Variants in ZNF419 observed in about 807,000 individuals in gnomAD.
ZNF419 encodes zinc finger protein 419A.
A neutral mutation model predicts 14.9 loss-of-function variants in ZNF419; 8 were observed. That is an observed-to-expected ratio of 0.54 (90% CI 0.32 to 0.97). The LOEUF is 0.97. Ranked by LOEUF, ZNF419 falls within the 50% of genes least tolerant of loss-of-function variation. The probability of loss-of-function intolerance (pLI) is 0.04; values close to 1 mark genes in which losing one functional copy is unlikely to be tolerated. For missense variants in ZNF419, 595 were observed against 607.2 expected (o/e 0.98, Z 0.21); for synonymous variants, 211 against 205.3 (o/e 1.03, Z -0.24).
chr19:57,488,148 G>T, intron 1 of ZNF419, 165 bp downstream of exon 1: 1 of 1,069,458 alleles, frequency 9.4e-7, no homozygotes, highest in Non-Finnish European at 1.3e-6. Flanking sequence ...GGCTCGCAAA[G>T]ATGTGAGGCG....
chr19:57,492,138 A>C lies in ZNF419; in HGVS notation c.225A>C (p.Glu75Asp). ...GACTTGCATCTTCCAAGACCCATGA[A>C]ATAACCCAGCTGGAGTCATGGGAGG... ...SLGLASSKTH[E>D]ITQLESWEEP... Residue 75 changes from glutamate (E) to aspartate (D), a missense_variant, in exon 4 of 5, where the codon GAA (glutamate) becomes GAC (aspartate). Physicochemically the swap from Glu to Asp is conservative, Grantham distance 45. Transcript: ENST00000221735. The C allele has an allele frequency of 6.2e-7, 1 of 1,613,586 alleles. No individual in the cohort carries two copies. The highest frequency in any genetic ancestry group is 8.5e-7 in the Non-Finnish European group (1 of 1,179,888).
In ZNF419 at chr19:57,493,982, G is replaced by T. The variant is rs776042488; in HGVS notation, c.1425G>T (p.Arg475Ser). The T allele has an allele frequency of 6.2e-7, 1 of 1,613,980 alleles. No individual in the cohort carries two copies. The highest frequency in any genetic ancestry group is 8.5e-7 in the Non-Finnish European group (1 of 1,179,972). Residue 475 changes from arginine to serine, a missense_variant, in exon 5 of 5, where the codon AGG becomes AGT. By Grantham distance (110) the Arg-to-Ser change is moderately radical. Transcript: ENST00000221735. Reference protein sequence around the residue: ...RENSSLVKHQRVHTGAKPYEC... With the variant: ...RENSSLVKHQSVHTGAKPYEC... Reference sequence around the variant, plus strand: ...ATTCCAGCCTTGTTAAACATCAGAGGGTTCACACTGGAGCAAAGCCTTATG... The same window carrying T: ...ATTCCAGCCTTGTTAAACATCAGAGTGTTCACACTGGAGCAAAGCCTTATG...
chr19:57,490,110 A>G, intron 1 of ZNF419, 37 bp from the exon 2 acceptor site: 1 of 1,607,026 alleles, frequency 6.2e-7, no homozygotes, highest in Non-Finnish European at 8.5e-7. Flanking sequence ...CTTTGGCAAC[A>G]TCACTGTCTG....
rs4801490 is a variant in ZNF419 at position 57,494,871 on chromosome 19, A to C, written c.*781A>C. 0.67 allele frequency: 106,042 copies of C among 157,300 alleles called. 35,824 individuals carry two copies. The highest frequency in any genetic ancestry group is 0.8 in the South Asian group (3,940 of 4,896). 9.7% of individuals were successfully genotyped at this position (157,300 alleles called of 1,614,324 possible). ...TATATTAGATTTTCCATTTCTTCACATTACTGACAGTTTATATGTGTAGAA... is the reference window on the plus strand; with the variant it reads ...TATATTAGATTTTCCATTTCTTCACCTTACTGACAGTTTATATGTGTAGAA... On this transcript the variant is annotated 3_prime_UTR_variant, in exon 5 of 5. Transcript: ENST00000221735.
At chr19:57,492,665 G>T (rs778294363) in intron 4 of ZNF419, 191 bp from the exon 5 acceptor site, 4 of 826,428 alleles carry the variant, frequency 4.8e-6, no homozygotes, top group Non-Finnish European at 6.3e-6. Flanking sequence ...TGCTCATGAG[G>T]CCTCCCCAAA....
In ZNF419 at chr19:57,496,060, G is replaced by A. The variant is rs923587027; in HGVS notation, c.*1970G>A. ...GTACAACATGATTTGAGGAAATACTGCATTGGAAAATAAATAAATGTTCAC... is the reference window on the plus strand; with the variant it reads ...GTACAACATGATTTGAGGAAATACTACATTGGAAAATAAATAAATGTTCAC... On this transcript the variant is annotated 3_prime_UTR_variant, in exon 5 of 5. Coordinates refer to ENST00000221735, the MANE Select transcript of ZNF419 (RefSeq NM_024691.4). 10 of 152,262 alleles carry A rather than the reference G, an allele frequency of 6.6e-5. No individual in the cohort carries two copies. The highest frequency in any genetic ancestry group is 6.2e-4 in the South Asian group (3 of 4,832). The allele number at this position is 152,262 out of a possible 1,614,324, so 9.4% of individuals were successfully genotyped here. A position where few individuals can be genotyped will look rare whatever the true frequency, so the allele number is the denominator to read the frequency against.
At position 57,487,890 on chromosome 19, in the gene ZNF419, A is replaced by G. The variant is rs552816224; in HGVS notation, c.-61A>G. 4 of 1,609,934 alleles carry G rather than the reference A, an allele frequency of 2.5e-6. No homozygotes were observed. The African/African-American group carries it at 5.3e-5, about 21-fold the overall frequency. ...GGTCTGAGGCTCGGTGGCGGCGCCC[A>G]GGGTGGCCCGGGCCCTTTCCTCGGT... On this transcript the variant is annotated 5_prime_UTR_variant, in exon 1 of 5. Transcript: ENST00000221735.
At position 57,494,173 on chromosome 19, in the gene ZNF419, T is replaced by A; in HGVS notation, c.*83T>A. 3.3e-6 allele frequency: 5 copies of A among 1,519,400 alleles called. No individual in the cohort carries two copies. The highest frequency in any genetic ancestry group is 4.4e-6 in the Non-Finnish European group (5 of 1,137,070). The allele number at this position is 1,519,400 out of a possible 1,614,324, so 94.1% of individuals were successfully genotyped here. ...TGGAAAAAATCTTGAAGGTAACAGA[T>A]GGAAATCCGTTAGCCACACCTCCAG... is the stretch of plus-strand genomic sequence containing the variant. On this transcript the variant is annotated 3_prime_UTR_variant, in exon 5 of 5. Coordinates refer to ENST00000221735, the MANE Select transcript of ZNF419 (RefSeq NM_024691.4).
rs1847197973 is a variant in ZNF419, at chr19:57,489,884, C to G, written c.34-263C>G. The stretch of plus-strand genomic sequence containing the variant: ...GTACAGTAAGAGTTGATACTTAGTC[C>G]TAGACACATAAGAATGAGTTTGATA... On this transcript the variant is annotated intron_variant, in intron 1 of 4. Transcript: ENST00000221735. The G allele has an allele frequency of 6.3e-6, 3 of 479,208 alleles. No individual in the cohort carries two copies. The South Asian group carries it at 7.2e-5, about 12-fold the overall frequency. 29.7% of individuals were successfully genotyped at this position (479,208 alleles called of 1,614,324 possible). A position where few individuals can be genotyped will look rare whatever the true frequency, so the allele number is the denominator to read the frequency against.
chr19:57,491,207 G>C (rs6510083), intron 2 of ZNF419: 201,023 of 527,134 alleles, frequency 0.38, 40,638 homozygotes, highest in East Asian at 0.61. Context: ...CACAGTCTAG[G>C]GGATCCAAGG....
chr19:57,488,893 G>C (rs1474623871), intron 1 of ZNF419: 2 of 152,488 alleles, frequency 1.3e-5, no homozygotes, highest in East Asian at 3.8e-4. Flanking sequence ...CTATAGCATG[G>C]AGTTTTGTGG....
intron 4 of ZNF419, 144 bp from the exon 5 acceptor site, chr19:57,492,712 C>G (rs1232544069): frequency 8.8e-7 from 1 of 1,142,034 alleles, no homozygotes; most frequent in Non-Finnish European, 1.3e-6. Context: ...GCACAGCAGG[C>G]CCTTCCCTGC....
rs1303236111 is a variant in ZNF419, at chr19:57,489,781, C to T, written c.34-366C>T. ...TTGGGATTACAGGTGTGAGCCACTG[C>T]GCCTAGCCAGAAACCCACATTTTGA... On this transcript the variant is annotated intron_variant, in intron 1 of 4. Transcript: ENST00000221735. 5.5e-5 allele frequency: 11 copies of T among 201,240 alleles called. No individual in the cohort carries two copies. The South Asian group carries it at 7.7e-4, about 14-fold the overall frequency. The allele number at this position is 201,240 out of a possible 1,614,324, so 12.5% of individuals were successfully genotyped here.
rs369904575 is a variant in ZNF419, at chr19:57,493,854, G to A, written c.1297G>A (p.Gly433Arg). ...GAKPYECREC[G>R]KFFSQSSTLM... ...AAAGCCTTATGAGTGCAGGGAATGT[G>A]GGAAATTTTTTAGCCAAAGCTCAAC... The change falls in exon 5 of 5, where the codon GGG becomes AGG. Residue 433 changes from glycine (G) to arginine (R), a missense_variant. Coordinates refer to ENST00000221735, the MANE Select transcript of ZNF419 (RefSeq NM_024691.4). 34 of 1,613,906 alleles carry A rather than the reference G, an allele frequency of 2.1e-5. No individual in the cohort carries two copies. The highest frequency in any genetic ancestry group is 2.6e-5 in the Non-Finnish European group (31 of 1,179,970).
At position 57,493,379 on chromosome 19, in the gene ZNF419, C is replaced by T. The variant is rs1352169707; in HGVS notation, c.822C>T (p.Leu274=). Residue 274 remains leucine, a synonymous_variant, in exon 5 of 5, where the codon CTC becomes CTT. Coordinates refer to ENST00000221735, the MANE Select transcript of ZNF419 (RefSeq NM_024691.4). Reference sequence around the variant, plus strand: ...AATCCTTTAGCCGTAATGCTCACCTCATTGAACACCAGAGAGTTCACACTG... The same window carrying T: ...AATCCTTTAGCCGTAATGCTCACCTTATTGAACACCAGAGAGTTCACACTG... ...CGKSFSRNAH[L]IEHQRVHTGE... The T allele has an allele frequency of 1.9e-6, 3 of 1,614,132 alleles. No individual in the cohort carries two copies. The highest frequency in any genetic ancestry group is 2.2e-5 in the South Asian group (2 of 91,082).
Position 57,487,785 on chromosome 19 carries a change from C to T in ZNF419, c.-166C>T. ...TTCGCGACTCAGGTGAACTAACCTG[C>T]GAGAAGCTGGTTGTGCGCTGAGGCG... is the stretch of plus-strand genomic sequence containing the variant. On this transcript the variant is annotated 5_prime_UTR_variant, in exon 1 of 5. Transcript: ENST00000221735. 1.1e-6 allele frequency: 1 copy of T among 939,628 alleles called. No homozygotes were observed. The highest frequency in any genetic ancestry group is 1.6e-6 in the Non-Finnish European group (1 of 608,094). The allele number at this position is 939,628 out of a possible 1,614,324, so 58.2% of individuals were successfully genotyped here. A position where few individuals can be genotyped will look rare whatever the true frequency, so the allele number is the denominator to read the frequency against.
chr19:57,491,892 G>A, intron 3 of ZNF419: 2 of 656,064 alleles, frequency 3.0e-6, no homozygotes, highest in Non-Finnish European at 5.4e-6. Context: ...ATCTGTGGTA[G>A]TTCTATTCCC....
Position 57,495,837 on chromosome 19 carries a change from AG to A in ZNF419, c.*1749del, listed in dbSNP as rs2089603194. On this transcript the variant is annotated 3_prime_UTR_variant, in exon 5 of 5. Transcript: ENST00000221735. The stretch of plus-strand genomic sequence containing the variant: ...AATATCCAACTTCTGAAATATTTGT[AG>A]GTTTAACTACAAATAAATAATTCAA... The A allele has an allele frequency of 6.7e-6, 1 of 149,184 alleles. No individual in the cohort carries two copies. 9.2% of individuals were successfully genotyped at this position (149,184 alleles called of 1,614,324 possible).
intron 1 of ZNF419, chr19:57,489,484 C>CTTTTTTTTTTTTTTT (rs10602834): frequency 5.9e-5 from 5 of 85,398 alleles, no homozygotes; most frequent in South Asian, 4.5e-4. Context: ...TTCTTTCTTT[C>CTTTTTTTTTTTTTTT]TTTTTTTTTT....
Sources: allele counts gnomAD v4.1 joint callset, GRCh38; gene constraint gnomAD v4.1.1; transcripts MANE v1.5; gene names NCBI Gene and HGNC (gene_info 2026-07-23, HGNC 2026-07-21).